The following COG6 variants were observed in gnomAD, a reference collection of about 807,000 sequenced individuals.
COG6 encodes component of oligomeric golgi complex 6, also known as conserved oligomeric Golgi complex subunit 6.
In COG6, 74 loss-of-function variants were observed where a neutral mutation model predicts 88.8. The observed-to-expected ratio is 0.83, with a 90% CI of 0.69 to 1.01. The LOEUF (loss-of-function observed/expected upper bound fraction) is 1.01. COG6 is among the 50% of genes least tolerant of loss of function. The pLI is 0.00. For missense variants in COG6, 800 were observed against 797.9 expected (o/e 1.00, Z -0.03); for synonymous variants, 286 against 278.7 (o/e 1.03, Z -0.26).
chr13:39,755,387 TA>T (rs1401921532), downstream of COG6, among the ~76,000 whole-genome samples: 1 of 152,102 alleles, frequency 6.6e-6, no homozygotes, highest in Non-Finnish European at 1.5e-5. Context: ...AAAACCCATT[TA>T]AAAAACCGGC....
intron 11 of COG6, among the ~76,000 whole-genome samples, chr13:39,691,971 A>G (rs1268543915): frequency 1.4e-5 from 1 of 69,786 alleles, no homozygotes; most frequent in Admixed American, 2.0e-4. Context: ...TGATTTTTAG[A>G]AACATAAAAG....
chr13:39,762,761 G>GTTTTTTTT (rs199547975), intron 18 of COG6, among the ~76,000 whole-genome samples: 1 of 139,194 alleles, frequency 7.2e-6, no homozygotes, highest in African/African-American at 2.6e-5. Context: ...CAAAATAAGA[G>GTTTTTTTT]TTTTTTTTTT....
chr13:39,675,777 A>C (rs1281447991), intron 4 of COG6, among the ~76,000 whole-genome samples: 2 of 152,090 alleles, frequency 1.3e-5, no homozygotes, highest in African/African-American at 4.8e-5. Context: ...GCTCCCAAAA[A>C]CATTTTATTT....
chr13:39,783,574 A>C (rs563960224), intron 18 of COG6, among the ~76,000 whole-genome samples: 12 of 152,330 alleles, frequency 7.9e-5, no homozygotes, highest in Non-Finnish European at 1.6e-4. Context: ...TACAGTTGGC[A>C]GTATTACTAA....
intron 10 of COG6, among the ~76,000 whole-genome samples, chr13:39,689,293 G>C (rs142363625): frequency 1.7e-3 from 264 of 152,250 alleles, no homozygotes; most frequent in African/African-American, 6.1e-3. Context: ...TTGATAAATA[G>C]TTGGTGTTTT....
chr13:39,715,098 G>A (rs565362399), intron 13 of COG6, among the ~76,000 whole-genome samples: 14 of 152,012 alleles, frequency 9.2e-5, no homozygotes, highest in African/African-American at 3.4e-4. Flanking sequence ...TACATATTGG[G>A]CACGATATAC....
intron 18 of COG6, among the ~76,000 whole-genome samples, chr13:39,731,930 C>T (rs1879475228): frequency 6.6e-6 from 1 of 152,072 alleles, no homozygotes; most frequent in Non-Finnish European, 1.5e-5. Flanking sequence ...GATTAATCTC[C>T]AAAGGCTGGA....
intron 18 of COG6, among the ~76,000 whole-genome samples, chr13:39,767,181 C>T (rs1485492014): frequency 6.6e-6 from 1 of 152,160 alleles, no homozygotes; most frequent in Non-Finnish European, 1.5e-5. Context: ...CTTACTGACA[C>T]CAGATTGTTA....
intron 18 of COG6, chr13:39,785,381 T>G (rs1436084800): frequency 1.3e-5 from 2 of 152,232 alleles, no homozygotes; most frequent in African/African-American, 4.8e-5. Context: ...GGGTCTTCAC[T>G]GGTAAATACT....
chr13:39,771,245 A>G (rs1440692646), intron 18 of COG6, among the ~76,000 whole-genome samples: 1 of 152,198 alleles, frequency 6.6e-6, no homozygotes, highest in Non-Finnish European at 1.5e-5. Context: ...AACAGATCCA[A>G]CCATCTTTCT....
chr13:39,777,945 T>A (rs2138184891), intron 18 of COG6, among the ~76,000 whole-genome samples: 1 of 152,256 alleles, frequency 6.6e-6, no homozygotes, highest in South Asian at 2.1e-4. Flanking sequence ...TTACTGAATA[T>A]CCACTCTGTG....
chr13:39,658,146 CTT>C (rs1235361524), intron 1 of COG6, among the ~76,000 whole-genome samples: 10 of 132,330 alleles, frequency 7.6e-5, no homozygotes, highest in East Asian at 2.2e-4. Flanking sequence ...TTTGGAATAT[CTT>C]TTTTTTTTTT....
intron 18 of COG6, among the ~76,000 whole-genome samples, chr13:39,738,988 C>T (rs1270582071): frequency 1.3e-5 from 2 of 152,024 alleles, no homozygotes; most frequent in African/African-American, 4.8e-5. Context: ...AGGAAATTAA[C>T]ATGATGCTTC....
chr13:39,747,196 A>G (rs1202404665), intron 18 of COG6, among the ~76,000 whole-genome samples: 1 of 152,184 alleles, frequency 6.6e-6, no homozygotes, highest in African/African-American at 2.4e-5. Context: ...ACCATATAGA[A>G]CTGATTAGAA....
At chr13:39,713,458 A>G (rs1878351570) in intron 13 of COG6, among the ~76,000 whole-genome samples, 1 of 152,136 alleles carries the variant, frequency 6.6e-6, no homozygotes, top group South Asian at 2.1e-4. Context: ...AGACTTGGCC[A>G]GGTGCGGTGG....
chr13:39,777,296 G>A (rs1269598036), intron 18 of COG6, among the ~76,000 whole-genome samples: 2 of 152,184 alleles, frequency 1.3e-5, no homozygotes, highest in Admixed American at 6.5e-5. Context: ...CAGCAGTGAA[G>A]AGCAAGGAAC....
intron 18 of COG6, among the ~76,000 whole-genome samples, chr13:39,786,548 T>C (rs1008416263): frequency 6.6e-6 from 1 of 152,156 alleles, no homozygotes; most frequent in African/African-American, 2.4e-5. Flanking sequence ...GTAAGTGATA[T>C]TGAAACAAGG....
intron 18 of COG6, among the ~76,000 whole-genome samples, chr13:39,747,544 T>C (rs960984280): frequency 6.6e-6 from 1 of 152,174 alleles, no homozygotes. Flanking sequence ...ACCCCTTCCA[T>C]ATCTCAGTGG....
At chr13:39,731,241 C>T (rs530027620) in intron 18 of COG6, among the ~76,000 whole-genome samples, 18 of 152,202 alleles carry the variant, frequency 1.2e-4, no homozygotes, top group Middle Eastern at 3.4e-3. Context: ...ACCTGTGTCT[C>T]CCTTTTTCTT....
Sources: gnomAD v4.1 joint callset for allele counts (sites outside exome capture counted in the v4.1 genomes callset) on GRCh38, gnomAD v4.1.1 for gene constraint, MANE v1.5 for transcripts, NCBI Gene and HGNC (gene_info 2026-07-23, HGNC 2026-07-21) for gene names.